The following PRKX variants were observed in gnomAD, a reference collection of about 807,000 sequenced individuals.
The protein encoded by PRKX is protein kinase cAMP-dependent X-linked catalytic subunit.
In PRKX, 12 loss-of-function variants were observed where a neutral mutation model predicts 22.0. The observed-to-expected ratio is 0.54, with a 90% CI of 0.35 to 0.88. PRKX has a LOEUF of 0.88. PRKX is among the 40% of genes least tolerant of loss of function. PRKX has a pLI of 0.01. For missense variants in PRKX, 217 were observed against 308.0 expected (o/e 0.70, Z 2.21); for synonymous variants, 134 against 137.7 (o/e 0.97, Z 0.19).
intron 2 of PRKX, among the ~76,000 whole-genome samples, chrX:3,656,600 T>G (rs59235041): frequency 3.7e-3 from 416 of 111,401 alleles, no homozygotes; most frequent in African/African-American, 0.013. Context: ...TGTGTAGATG[T>G]GACTCTACAG....
intron 4 of PRKX, among the ~76,000 whole-genome samples, chrX:3,632,522 G>A (rs1926806496): frequency 8.9e-6 from 1 of 111,997 alleles, no homozygotes; most frequent in Non-Finnish European, 1.9e-5. Context: ...AGGAGGAAAT[G>A]TGCCATACAT....
chrX:3,629,863 C>A (rs1050265543), intron 4 of PRKX, among the ~76,000 whole-genome samples: 2 of 111,753 alleles, frequency 1.8e-5, no homozygotes, highest in Non-Finnish European at 3.8e-5. Flanking sequence ...TATGTGACTA[C>A]TTTTTAAGGT....
At chrX:3,614,729 G>C (rs183047329) in intron 7 of PRKX, among the ~76,000 whole-genome samples, 87 of 111,364 alleles carry the variant, frequency 7.8e-4, no homozygotes, top group African/African-American at 2.8e-3. Flanking sequence ...TGGGTGGGCA[G>C]AGTTAACAAT....
intron 2 of PRKX, among the ~76,000 whole-genome samples, chrX:3,663,030 G>A (rs11797638): frequency 0.33 from 33,504 of 102,630 alleles, 5,046 homozygotes; most frequent in Middle Eastern, 0.46. Flanking sequence ...ATTAGAGATG[G>A]GGTCTCACTA....
rs1461450102 is a variant in PRKX at position 3,641,040 on chromosome X, G to A, written c.719+812C>T. 5.4e-5 allele frequency among the ~76,000 whole-genome samples: 6 copies of A among 111,537 alleles called. 1 individual carries two copies. In the South Asian group the frequency reaches 1.9e-3, roughly 35 times the overall value. ...CCCACCACTTTCCCGGAAAACTCAC[G>A]AAAAATCCACCCCTTGTTTAGCATA... is the stretch of plus-strand genomic sequence containing the variant. On this transcript the variant is annotated intron_variant, in intron 4 of 8. Transcript: ENST00000262848.
chrX:3,687,148 T>C (rs1276333071), intron 1 of PRKX, among the ~76,000 whole-genome samples: 1 of 111,201 alleles, frequency 9.0e-6, no homozygotes, highest in Non-Finnish European at 1.9e-5. Context: ...GCCTCCCAAG[T>C]AGCTGGTACT....
chrX:3,701,382 A>G (rs1287733656), intron 1 of PRKX, among the ~76,000 whole-genome samples: 8 of 112,769 alleles, frequency 7.1e-5, no homozygotes, highest in Admixed American at 1.9e-4. Flanking sequence ...CTAGGATTAT[A>G]GGCGTGAGCC....
chrX:3,660,398 G>A lies in PRKX; in HGVS notation c.336-4986C>T, dbSNP rs1406250278. Among the ~76,000 whole-genome samples, 3 of 111,815 alleles carry A rather than the reference G, an allele frequency of 2.7e-5. No individual in the cohort carries two copies. In the Admixed American group the frequency reaches 2.9e-4, roughly 11 times the overall value. ...AATAGCAAGACCACTGTCTACAACT[G>A]TTAATTTGGTTGAAGAGAATATACA... On this transcript the variant is annotated intron_variant, in intron 2 of 8. Coordinates refer to ENST00000262848, the MANE Select transcript of PRKX (RefSeq NM_005044.5).
intron 2 of PRKX, among the ~76,000 whole-genome samples, chrX:3,672,708 C>T (rs1032433610): frequency 5.4e-5 from 6 of 110,581 alleles, no homozygotes; most frequent in African/African-American, 1.6e-4. Flanking sequence ...GGTGGAGGGA[C>T]GCGGCAGACA....
chrX:3,656,846 C>T (rs771492473), intron 2 of PRKX, among the ~76,000 whole-genome samples: 1 of 111,771 alleles, frequency 8.9e-6, no homozygotes, highest in African/African-American at 3.3e-5. Context: ...AATGTATTAC[C>T]CTCAGTTCTG....
intron 1 of PRKX, among the ~76,000 whole-genome samples, chrX:3,675,275 A>G (rs1382133193): frequency 2.7e-5 from 3 of 111,515 alleles, no homozygotes; most frequent in Non-Finnish European, 5.6e-5. Flanking sequence ...CAAAGTACGG[A>G]GTCCGTATTC....
At chrX:3,627,467 C>A (rs1281730192) in intron 4 of PRKX, among the ~76,000 whole-genome samples, 1 of 98,551 alleles carries the variant, frequency 1.0e-5, no homozygotes, top group Non-Finnish European at 2.1e-5. Flanking sequence ...AAAGGGAACT[C>A]TTTTTTTTTT....
intron 3 of PRKX, among the ~76,000 whole-genome samples, chrX:3,643,122 C>CCCCCCCA (rs1927118603): frequency 1.6e-5 from 1 of 62,902 alleles, no homozygotes; most frequent in African/African-American, 7.0e-5. Flanking sequence ...CCCCACCCCC[C>CCCCCCCA]AAAAAAACAT....
chrX:3,654,269 CATAT>C (rs1429301050), intron 3 of PRKX, among the ~76,000 whole-genome samples: 2 of 94,591 alleles, frequency 2.1e-5, no homozygotes, highest in Non-Finnish European at 4.0e-5. Context: ...ATATACTATA[CATAT>C]ATAATACTAT....
intron 1 of PRKX, among the ~76,000 whole-genome samples, chrX:3,689,708 T>A (rs1254983091): frequency 9.0e-6 from 1 of 111,539 alleles, no homozygotes; most frequent in African/African-American, 3.3e-5. Context: ...CTGGGCGCGG[T>A]GGCTCACACC....
chrX:3,619,819 G>C (rs1174005607), intron 6 of PRKX, among the ~76,000 whole-genome samples: 1 of 111,180 alleles, frequency 9.0e-6, no homozygotes, highest in Non-Finnish European at 1.9e-5. Context: ...AGGGCCCCAA[G>C]AGAGCCAAGT....
chrX:3,687,844 C>T (rs776049074), intron 1 of PRKX, among the ~76,000 whole-genome samples: 2 of 111,636 alleles, frequency 1.8e-5, no homozygotes, highest in Non-Finnish European at 3.8e-5. Flanking sequence ...ACAGTGGCTC[C>T]GCTGAGACAC....
At chrX:3,652,840 G>C (rs1046672594) in intron 3 of PRKX, among the ~76,000 whole-genome samples, 4 of 110,535 alleles carry the variant, frequency 3.6e-5, no homozygotes, top group Non-Finnish European at 7.6e-5. Flanking sequence ...CATAAGAAGA[G>C]GAGATGAGGA....
At chrX:3,648,605 CCTGTGT>C (rs1468718733) in intron 3 of PRKX, among the ~76,000 whole-genome samples, 249 of 46,143 alleles carry the variant, frequency 5.4e-3, no homozygotes, top group South Asian at 8.3e-3. Flanking sequence ...TCTCTCTACT[CCTGTGT>C]GTGTGTGTGT....
Sources: allele counts gnomAD v4.1 joint callset (sites outside exome capture counted in the v4.1 genomes callset), GRCh38; gene constraint gnomAD v4.1.1; transcripts MANE v1.5; gene names NCBI Gene and HGNC (gene_info 2026-07-23, HGNC 2026-07-21).